The following WDPCP variants were observed in gnomAD, a reference collection of about 807,000 sequenced individuals.
WDPCP encodes the protein WD repeat containing planar cell polarity effector, also known as WD repeat-containing and planar cell polarity effector protein fritz homolog.
Under a neutral mutation model 93.1 loss-of-function variants are expected in WDPCP, and 71 were observed. The ratio of observed to expected loss-of-function variants is 0.76; its 90% CI spans 0.63 to 0.93. The LOEUF is 0.93. Ranked by LOEUF, WDPCP falls within the 40% of genes least tolerant of loss-of-function variation. WDPCP has a pLI of 0.00. For missense variants in WDPCP, 844 were observed against 887.4 expected, an observed-to-expected ratio of 0.95 and a Z score of 0.62; for synonymous variants, 315 against 315.0, an observed-to-expected ratio of 1.00 and a Z score of 0.00.
intron 15 of WDPCP, among the ~76,000 whole-genome samples, chr2:63,161,165 A>C (rs1438776573): frequency 6.6e-6 from 1 of 152,212 alleles, no homozygotes; most frequent in Non-Finnish European, 1.5e-5. Flanking sequence ...GGCATACTTA[A>C]GGAATTTTCT....
intron 1 of WDPCP, among the ~76,000 whole-genome samples, chr2:63,585,536 C>G (rs750278197): frequency 1.3e-5 from 2 of 152,074 alleles, no homozygotes; most frequent in South Asian, 4.1e-4. Context: ...CAATCACACT[C>G]CATTATCTAA....
intron 9 of WDPCP, among the ~76,000 whole-genome samples, chr2:63,430,197 A>G (rs1379512581): frequency 6.6e-6 from 1 of 152,180 alleles, no homozygotes; most frequent in East Asian, 1.9e-4. Context: ...AGAGGGAAAC[A>G]ATATACAGTG....
chr2:63,278,803 G>A (rs1393334602), intron 13 of WDPCP, among the ~76,000 whole-genome samples: 2 of 152,184 alleles, frequency 1.3e-5, no homozygotes, highest in Non-Finnish European at 2.9e-5. Context: ...TCCAGCCTGG[G>A]CGACAGATAC....
intron 1 of WDPCP, among the ~76,000 whole-genome samples, chr2:63,551,494 T>A (rs2166494): frequency 0.8 from 121,882 of 152,108 alleles, 49,418 homozygotes; most frequent in East Asian, 0.98. Context: ...AATGACTCCA[T>A]TGCCTTCCAC....
At chr2:63,561,133 C>A (rs899486529) in intron 1 of WDPCP, among the ~76,000 whole-genome samples, 4 of 152,228 alleles carry the variant, frequency 2.6e-5, no homozygotes, top group African/African-American at 9.6e-5. Context: ...AAAATCTAGG[C>A]AAAACCATTC....
intron 10 of WDPCP, among the ~76,000 whole-genome samples, chr2:63,401,355 CAGA>C (rs746485173): frequency 6.6e-6 from 1 of 152,168 alleles, no homozygotes; most frequent in Non-Finnish European, 1.5e-5. Flanking sequence ...AGACACTTCT[CAGA>C]AGAAGACATT....
chr2:63,504,192 C>G (rs1278340037), intron 1 of WDPCP, among the ~76,000 whole-genome samples: 1 of 151,866 alleles, frequency 6.6e-6, no homozygotes, highest in African/African-American at 2.4e-5. Flanking sequence ...TCTAGAAAAA[C>G]TTAGAAGCTA....
In WDPCP at chr2:63,404,156, A is replaced by G; in HGVS notation, c.1327T>C (p.Trp443Arg). 4 of 1,614,138 alleles carry G rather than the reference A, an allele frequency of 2.5e-6. No individual in the cohort carries two copies. Among genetic ancestry groups the G allele is most frequent in the South Asian group, 2.2e-5 (2 of 91,060 alleles). ...TGAGAAACAACCTGAGGAGCTATCC[A>G]TTGCATTTGAACAAGACTGCTGGAG... ...DASSSLVQMQWIAPQVVSQKG... is the reference protein window; with the variant it reads ...DASSSLVQMQRIAPQVVSQKG... Residue 443 changes from tryptophan (W) to arginine (R), a missense_variant, in exon 10 of 18, where the codon TGG becomes CGG. Coordinates refer to ENST00000272321, the MANE Select transcript of WDPCP (RefSeq NM_015910.7).
chr2:63,397,171 G>A (rs758863821), intron 10 of WDPCP, among the ~76,000 whole-genome samples: 6 of 152,136 alleles, frequency 3.9e-5, no homozygotes, highest in Non-Finnish European at 8.8e-5. Flanking sequence ...CAATGACAGT[G>A]ACGCTGAATT....
intron 14 of WDPCP, among the ~76,000 whole-genome samples, chr2:63,182,542 G>T (rs1674325139): frequency 6.6e-6 from 1 of 151,996 alleles, no homozygotes; most frequent in South Asian, 2.1e-4. Context: ...TATTGGGTTT[G>T]CTAGTACTTT....
At chr2:63,244,975 G>A (rs1181589366) in intron 14 of WDPCP, among the ~76,000 whole-genome samples, 1 of 152,084 alleles carries the variant, frequency 6.6e-6, no homozygotes, top group Non-Finnish European at 1.5e-5. Flanking sequence ...TCCAAAATCT[G>A]AAGTGATCCA....
intron 17 of WDPCP, among the ~76,000 whole-genome samples, chr2:63,126,816 C>T (rs898149480): frequency 1.3e-5 from 2 of 151,940 alleles, no homozygotes; most frequent in Non-Finnish European, 2.9e-5. Flanking sequence ...GCTGGGACTA[C>T]AGGTGTGCAC....
At chr2:63,599,416 T>C in intron 3 of WDPCP, 1 of 918,364 alleles carries the variant, frequency 1.1e-6, no homozygotes, top group Non-Finnish European at 1.5e-6. Flanking sequence ...AACCTATTAC[T>C]TTTATTAAAT....
chr2:63,458,556 A>C (rs886584631), intron 6 of WDPCP, among the ~76,000 whole-genome samples: 1 of 152,186 alleles, frequency 6.6e-6, no homozygotes, highest in Non-Finnish European at 1.5e-5. Context: ...TCTCTACAAG[A>C]AAAACTGTAA....
intron 17 of WDPCP, among the ~76,000 whole-genome samples, chr2:63,122,420 T>C (rs1320187273): frequency 6.6e-6 from 1 of 152,192 alleles, no homozygotes; most frequent in Non-Finnish European, 1.5e-5. Flanking sequence ...AGGTATTATA[T>C]AGCATATATT....
At chr2:63,679,540 T>C (rs953726687) in intron 2 of WDPCP, among the ~76,000 whole-genome samples, 2 of 152,190 alleles carry the variant, frequency 1.3e-5, no homozygotes, top group Middle Eastern at 3.2e-3. Context: ...CACATCTTAT[T>C]AATATTTGGG....
At chr2:63,573,872 G>A (rs988246071) in intron 1 of WDPCP, among the ~76,000 whole-genome samples, 2 of 152,024 alleles carry the variant, frequency 1.3e-5, no homozygotes, top group Non-Finnish European at 2.9e-5. Flanking sequence ...TAAAATGGCC[G>A]CTTCAGGGGG....
chr2:63,534,684 T>C (rs1357537724), intron 1 of WDPCP, among the ~76,000 whole-genome samples: 5 of 152,176 alleles, frequency 3.3e-5, no homozygotes, highest in Non-Finnish European at 7.3e-5. Flanking sequence ...AAACTCTGAA[T>C]AAACTAGGTA....
chr2:63,527,696 T>G (rs1259627774), intron 1 of WDPCP, among the ~76,000 whole-genome samples: 1 of 152,068 alleles, frequency 6.6e-6, no homozygotes, highest in Non-Finnish European at 1.5e-5. Flanking sequence ...GCATGTGTCT[T>G]TATAGCAGCA....
Sources: allele counts gnomAD v4.1 joint callset (sites outside exome capture counted in the v4.1 genomes callset), GRCh38; gene constraint gnomAD v4.1.1; transcripts MANE v1.5; gene names NCBI Gene and HGNC (gene_info 2026-07-23, HGNC 2026-07-21).